The following PARD3B variants were observed in gnomAD, a reference collection of about 807,000 sequenced individuals.
The protein encoded by PARD3B is partitioning defective 3 homolog B.
PARD3B carries 103 observed loss-of-function variants against 130.2 expected under a neutral mutation model. The observed-to-expected ratio is 0.79, with a 90% CI of 0.67 to 0.93. The LOEUF (loss-of-function observed/expected upper bound fraction) is 0.93. PARD3B is among the 40% of genes least tolerant of loss of function. The probability of loss-of-function intolerance (pLI) is 0.00; values close to 1 mark genes in which losing one functional copy is unlikely to be tolerated. For synonymous variants in PARD3B, 583 were observed against 553.2 expected, an observed-to-expected ratio of 1.05 and a Z score of -0.76; for missense variants, 1,609 against 1,499.2, an observed-to-expected ratio of 1.07 and a Z score of -1.21.
chr2:205,289,701 C>T (rs1465140987), intron 16 of PARD3B, among the ~76,000 whole-genome samples: 1 of 152,122 alleles, frequency 6.6e-6, no homozygotes, highest in East Asian at 1.9e-4. Flanking sequence ...CCACCATTAA[C>T]CCATTCATAA....
At chr2:205,074,785 A>G (rs564393075) in intron 4 of PARD3B, among the ~76,000 whole-genome samples, 2 of 152,340 alleles carry the variant, frequency 1.3e-5, no homozygotes, top group African/African-American at 4.8e-5. Flanking sequence ...CGCTCAAAAG[A>G]AAACAAAAAA....
chr2:205,388,242 T>C (rs890639966), intron 18 of PARD3B, among the ~76,000 whole-genome samples: 4 of 152,194 alleles, frequency 2.6e-5, no homozygotes, highest in African/African-American at 9.7e-5. Context: ...GTGAGAACAC[T>C]GGCAGCCATT....
intron 2 of PARD3B, 82 bp from the exon 3 acceptor site, chr2:204,965,070 A>G (rs1691106701): frequency 2.2e-6 from 3 of 1,375,358 alleles, no homozygotes; most frequent in African/African-American, 2.9e-5. Flanking sequence ...TTGCAACCAA[A>G]TAAAGATCAC....
chr2:205,037,324 TA>T (rs765285804), intron 3 of PARD3B, among the ~76,000 whole-genome samples: 32,562 of 145,384 alleles, frequency 0.22, 5,187 homozygotes, highest in South Asian at 0.41. Context: ...TATAGTGGAC[TA>T]TTTGTATAAA....
intron 2 of PARD3B, among the ~76,000 whole-genome samples, chr2:204,771,675 T>C (rs2041391564): frequency 6.6e-6 from 1 of 152,078 alleles, no homozygotes; most frequent in African/African-American, 2.4e-5. Flanking sequence ...AAAATAAAAA[T>C]TAAAATTAAA....
chr2:204,816,634 C>CA (rs540409151), intron 2 of PARD3B, among the ~76,000 whole-genome samples: 15 of 151,396 alleles, frequency 9.9e-5, no homozygotes, highest in Non-Finnish European at 1.3e-4. Flanking sequence ...TGTTCCTCTG[C>CA]AAAAAAATGT....
At chr2:204,772,602 T>A (rs2041434972) in intron 2 of PARD3B, among the ~76,000 whole-genome samples, 1 of 152,114 alleles carries the variant, frequency 6.6e-6, no homozygotes, top group African/African-American at 2.4e-5. Flanking sequence ...AAGGGAACAG[T>A]TGACAAGCAC....
intron 21 of PARD3B, among the ~76,000 whole-genome samples, chr2:205,546,343 A>G (rs1044228342): frequency 3.3e-5 from 5 of 152,196 alleles, no homozygotes; most frequent in African/African-American, 1.2e-4. Flanking sequence ...GTAAAAGGCT[A>G]GATTTCTGTT....
At chr2:204,951,438 C>A (rs574325873) in intron 2 of PARD3B, among the ~76,000 whole-genome samples, 2 of 152,190 alleles carry the variant, frequency 1.3e-5, no homozygotes, top group African/African-American at 2.4e-5. Flanking sequence ...ACACCTCTGA[C>A]ACCATTCTCC....
intron 21 of PARD3B, among the ~76,000 whole-genome samples, chr2:205,507,196 A>ATATTTTTT (rs2050401672): frequency 4.0e-5 from 1 of 25,174 alleles, no homozygotes; most frequent in Non-Finnish European, 6.6e-5. Flanking sequence ...CAGGTGCAGT[A>ATATTTTTT]TTTTTTTTTT....
rs1559176214 is a variant in PARD3B, at chr2:205,523,227, A to ATATATATATT, written c.3180+23205_3180+23206insTTATATATAT. Among the ~76,000 whole-genome samples, 27 of 133,184 alleles carry ATATATATATT rather than the reference A, an allele frequency of 2.0e-4. No individual in the cohort carries two copies. In the South Asian group the frequency reaches 5.6e-3, roughly 28 times the overall value. 87.4% of individuals were successfully genotyped at this position (133,184 alleles called of 152,430 possible). A position where few individuals can be genotyped will look rare whatever the true frequency, so the allele number is the denominator to read the frequency against. On this transcript the variant is annotated intron_variant, in intron 21 of 22. Transcript: ENST00000406610. ...GTACTATATGTGTGTGTGTGTGTGT[A>ATATATATATT]TATATATATATATATTTATATATAT...
At chr2:205,190,192 GTC>G (rs1436197325) in intron 14 of PARD3B, among the ~76,000 whole-genome samples, 1 of 152,188 alleles carries the variant, frequency 6.6e-6, no homozygotes, top group East Asian at 1.9e-4. Context: ...CTACCTAAGA[GTC>G]TGGGAAAATT....
intron 2 of PARD3B, among the ~76,000 whole-genome samples, chr2:204,712,620 A>G (rs965869511): frequency 6.6e-6 from 1 of 150,872 alleles, no homozygotes; most frequent in Admixed American, 6.6e-5. Flanking sequence ...TCTCAAAAAA[A>G]AAAAAACAAA....
At chr2:205,118,138 C>T (rs559582901) in intron 6 of PARD3B, among the ~76,000 whole-genome samples, 8 of 152,304 alleles carry the variant, frequency 5.3e-5, no homozygotes, top group African/African-American at 1.7e-4. Context: ...TACTCGGAAG[C>T]GGGGTCTGCT....
Position 205,281,911 on chromosome 2 carries a change from T to C in PARD3B, c.2186-18619T>C, listed in dbSNP as rs1468026818. On this transcript the variant is annotated intron_variant, in intron 16 of 22. Transcript: ENST00000406610. The surrounding 1 kb of genome is among the most constrained non-coding windows in gnomAD (Gnocchi z 4.2). The stretch of plus-strand genomic sequence containing the variant: ...AAGACAAAAAGAAACTAATTCTACT[T>C]GTGTGTCTTCCTGGTTTTAACTTAC... Among the ~76,000 whole-genome samples the C allele has an allele frequency of 6.6e-6, 1 of 152,354 alleles. No homozygotes were observed.
intron 4 of PARD3B, among the ~76,000 whole-genome samples, chr2:205,082,919 CTTTT>C (rs34303779): frequency 1.5e-5 from 2 of 136,612 alleles, no homozygotes; most frequent in Admixed American, 1.5e-4. Context: ...TAAAATATAT[CTTTT>C]TTTTTTTTTT....
intron 21 of PARD3B, among the ~76,000 whole-genome samples, chr2:205,506,299 C>A (rs986426102): frequency 2.0e-5 from 3 of 151,910 alleles, no homozygotes; most frequent in Middle Eastern, 3.2e-3. Context: ...CACCACTGCC[C>A]TCTAGCCTGG....
chr2:204,765,645 T>TA lies in PARD3B; in HGVS notation c.222+79372dup, dbSNP rs201997640. 2.2e-3 allele frequency among the ~76,000 whole-genome samples: 340 copies of TA among 151,808 alleles called. 2 individuals are homozygous for TA. The highest frequency in any genetic ancestry group is 7.7e-3 in the African/African-American group (318 of 41,420). ...ATTCTTCTCTCCTATTGCTATGCAA[T>TA]AAAAAAAAATTCAGCCTGAAAGAAG... is the stretch of plus-strand genomic sequence containing the variant. On this transcript the variant is annotated intron_variant, in intron 2 of 22. Coordinates refer to ENST00000406610, the MANE Select transcript of PARD3B (RefSeq NM_001302769.2).
At chr2:205,036,302 TA>T (rs567312512) in intron 3 of PARD3B, among the ~76,000 whole-genome samples, 55 of 144,432 alleles carry the variant, frequency 3.8e-4, no homozygotes, top group African/African-American at 1.1e-3. Flanking sequence ...GCTATATATA[TA>T]AAAATATATG....
Sources: allele counts gnomAD v4.1 joint callset (sites outside exome capture counted in the v4.1 genomes callset), GRCh38; gene constraint gnomAD v4.1.1; non-coding constraint Gnocchi (gnomAD v3.1); transcripts MANE v1.5; gene names NCBI Gene and HGNC (gene_info 2026-07-23, HGNC 2026-07-21).